CCDC171: variants seen among roughly 807,000 people sequenced by gnomAD.
CCDC171 encodes coiled-coil domain containing 171.
CCDC171 carries 177 observed loss-of-function variants against 168.2 expected under a neutral mutation model. The ratio of observed to expected loss-of-function variants is 1.05; its 90% CI spans 0.93 to 1.19. The LOEUF (loss-of-function observed/expected upper bound fraction) is 1.19. CCDC171 is among the 50% of genes most tolerant of loss of function. The pLI is 0.00. For synonymous variants in CCDC171, 687 were observed against 540.8 expected (o/e 1.27, Z -3.75); for missense variants, 1,991 against 1,539.0 (o/e 1.29, Z -4.91).
At chr9:15,766,987 A>T (rs1461461756) in intron 18 of CCDC171, among the ~76,000 whole-genome samples, 1 of 152,126 alleles carries the variant, frequency 6.6e-6, no homozygotes, top group Non-Finnish European at 1.5e-5. Flanking sequence ...TAAAGGAGGG[A>T]TGTGTCAGTT....
chr9:15,785,364 T>C (rs1289861290), intron 21 of CCDC171, among the ~76,000 whole-genome samples: 1 of 152,132 alleles, frequency 6.6e-6, no homozygotes, highest in Non-Finnish European at 1.5e-5. Flanking sequence ...AAAAATGATA[T>C]AGCCACTATA....
chr9:16,019,793 G>A (rs1274779365), intron 3 of CCDC171, among the ~76,000 whole-genome samples: 1 of 152,176 alleles, frequency 6.6e-6, no homozygotes, highest in Non-Finnish European at 1.5e-5. Flanking sequence ...ACAAGTGTGT[G>A]AATTCATTCT....
At chr9:15,830,968 A>ATT (rs71325936) in intron 21 of CCDC171, among the ~76,000 whole-genome samples, 1,920 of 122,998 alleles carry the variant, frequency 0.016, 75 homozygotes, top group Middle Eastern at 0.032. Flanking sequence ...CCATATCTTA[A>ATT]TTTTTTTTTT....
chr9:15,831,416 A>G (rs1588732700), intron 21 of CCDC171, among the ~76,000 whole-genome samples: 2 of 152,234 alleles, frequency 1.3e-5, no homozygotes, highest in African/African-American at 4.8e-5. Flanking sequence ...GAAGAATTAA[A>G]ACACACTTGA....
At chr9:15,733,349 G>A (rs1303758866) in intron 16 of CCDC171, among the ~76,000 whole-genome samples, 1 of 151,952 alleles carries the variant, frequency 6.6e-6, no homozygotes, top group African/African-American at 2.4e-5. Context: ...TTACATGTAA[G>A]AACTCTTTGC....
At chr9:16,003,245 C>T (rs917792013) in intron 3 of CCDC171, among the ~76,000 whole-genome samples, 2 of 152,164 alleles carry the variant, frequency 1.3e-5, no homozygotes, top group Non-Finnish European at 2.9e-5. Context: ...TGGTGTCTCT[C>T]GAATAATATC....
At chr9:15,806,286 A>G (rs761802985) in intron 21 of CCDC171, among the ~76,000 whole-genome samples, 12 of 151,800 alleles carry the variant, frequency 7.9e-5, no homozygotes, top group Non-Finnish European at 1.0e-4. Context: ...ATGATGCTAG[A>G]TGGTTATTTT....
intron 25 of CCDC171, among the ~76,000 whole-genome samples, chr9:15,955,847 CGTGTGTGTATGTGT>C (rs2132549654): frequency 1.3e-5 from 2 of 151,922 alleles, no homozygotes; most frequent in South Asian, 4.2e-4. Context: ...AGGAAACAGA[CGTGTGTGTATGTGT>C]GTGTGTGTAT....
intron 24 of CCDC171, chr9:15,875,045 A>G (rs1165181341): frequency 6.5e-6 from 1 of 152,970 alleles, no homozygotes; most frequent in Non-Finnish European, 1.5e-5. Context: ...AAAAAATAAA[A>G]TAATAAATCA....
chr9:15,810,453 C>T (rs564904915), intron 21 of CCDC171, among the ~76,000 whole-genome samples: 21 of 136,682 alleles, frequency 1.5e-4, no homozygotes, highest in Non-Finnish European at 3.0e-4. Context: ...CAGGGGGTGG[C>T]GCCTGTCGGG....
intron 25 of CCDC171, among the ~76,000 whole-genome samples, chr9:15,964,669 C>T (rs1212938792): frequency 2.6e-5 from 4 of 152,130 alleles, no homozygotes; most frequent in African/African-American, 7.2e-5. Flanking sequence ...TCTAAACATC[C>T]TGGAGAAGAA....
At chr9:15,565,366 C>T (rs796432214) in intron 2 of CCDC171, among the ~76,000 whole-genome samples, 76 of 152,166 alleles carry the variant, frequency 5.0e-4, no homozygotes, top group African/African-American at 1.6e-3. Context: ...TTAAATTTTT[C>T]TGAAGTGGGG....
intron 10 of CCDC171, among the ~76,000 whole-genome samples, chr9:15,689,289 G>A (rs1280983356): frequency 6.6e-6 from 1 of 152,180 alleles, no homozygotes; most frequent in African/African-American, 2.4e-5. Flanking sequence ...CAGATTGATG[G>A]TTTAATGCAA....
At chr9:16,020,293 C>G (rs936519505) in intron 3 of CCDC171, among the ~76,000 whole-genome samples, 6 of 152,074 alleles carry the variant, frequency 3.9e-5, no homozygotes, top group Non-Finnish European at 5.9e-5. Context: ...GGTCCTATCC[C>G]CAAGATATCT....
intron 24 of CCDC171, among the ~76,000 whole-genome samples, chr9:15,907,365 C>G (rs1169927914): frequency 6.6e-6 from 1 of 152,152 alleles, no homozygotes; most frequent in Non-Finnish European, 1.5e-5. Context: ...ATATCTACAA[C>G]CATCTGATCT....
chr9:15,606,406 T>C (rs1342632734), intron 6 of CCDC171, among the ~76,000 whole-genome samples: 1 of 152,214 alleles, frequency 6.6e-6, no homozygotes, highest in East Asian at 1.9e-4. Context: ...GGATTCACAA[T>C]TATGATAAAT....
intron 21 of CCDC171, among the ~76,000 whole-genome samples, chr9:15,786,884 C>T (rs1356232220): frequency 6.6e-6 from 1 of 152,090 alleles, no homozygotes; most frequent in African/African-American, 2.4e-5. Context: ...AGATAACCAC[C>T]TTCAACTGTA....
the CCDC171 span, among the ~76,000 whole-genome samples, chr9:16,102,998 G>C: frequency 6.6e-6 from 1 of 152,208 alleles, no homozygotes; most frequent in Non-Finnish European, 1.5e-5. Flanking sequence ...TGAGCAGGCA[G>C]AAAACCTCAG....
chr9:15,691,554 A>ATATATATATG (rs1554762251), intron 10 of CCDC171, among the ~76,000 whole-genome samples: 3 of 143,608 alleles, frequency 2.1e-5, no homozygotes, highest in African/African-American at 7.6e-5. Flanking sequence ...TTTTATATAT[A>ATATATATATG]TATATATATA....
Sources: gnomAD v4.1 joint callset for allele counts (sites outside exome capture counted in the v4.1 genomes callset) on GRCh38, gnomAD v4.1.1 for gene constraint, MANE v1.5 for transcripts, NCBI Gene and HGNC (gene_info 2026-07-23, HGNC 2026-07-21) for gene names.